The following EFCAB8 variants were observed in gnomAD, a reference collection of about 807,000 sequenced individuals.
The protein encoded by EFCAB8 is EF-hand calcium binding domain 8, also known as EF-hand calcium-binding domain-containing protein 8.
EFCAB8 carries 100 observed loss-of-function variants against 116.3 expected under a neutral mutation model. The ratio of observed to expected loss-of-function variants is 0.86; its 90% CI spans 0.73 to 1.02. EFCAB8 has a LOEUF of 1.02. EFCAB8 is among the 50% of genes least tolerant of loss of function. The probability of loss-of-function intolerance (pLI) is 0.00; values close to 1 mark genes in which losing one functional copy is unlikely to be tolerated. For synonymous variants in EFCAB8, 558 were observed against 567.9 expected (o/e 0.98, Z 0.25); for missense variants, 1,320 against 1,416.9 (o/e 0.93, Z 1.10).
At chr20:32,948,240 TAAACTCCTTGAAAG>T (rs1304031184) in intron 23 of EFCAB8, among the ~76,000 whole-genome samples, 1 of 152,022 alleles carries the variant, frequency 6.6e-6, no homozygotes, top group East Asian at 1.9e-4. Flanking sequence ...TTATATGAAA[TAAACTCCTTGAAAG>T]AAACAAACTA....
At chr20:32,901,182 G>C (rs73904075) in intron 11 of EFCAB8, among the ~76,000 whole-genome samples, 3,486 of 152,322 alleles carry the variant, frequency 0.023, 107 homozygotes, top group African/African-American at 0.072. Context: ...TGTTTGCTGA[G>C]GCTATCTGTC....
chr20:32,871,207 T>C (rs1222378479), intron 3 of EFCAB8, among the ~76,000 whole-genome samples: 1 of 151,456 alleles, frequency 6.6e-6, no homozygotes, highest in Non-Finnish European at 1.5e-5. Flanking sequence ...CTCCCTTTTT[T>C]TATATGCAGT....
Position 32,867,722 on chromosome 20 carries a change from TGAG to T in EFCAB8, c.189_191del (p.Glu63del), listed in dbSNP as rs1371057728. ...ACCTGGCCAAGATAGAGAAAATGTTTGAGGAGGACATCAACTCGACTGGAGGTA... is the reference window on the plus strand; with the variant it reads ...ACCTGGCCAAGATAGAGAAAATGTTTGAGGACATCAACTCGACTGGAGGTA... On this transcript the variant is annotated inframe_deletion, in exon 3 of 27. Transcript: ENST00000400522. 6.4e-7 allele frequency: 1 copy of T among 1,551,576 alleles called. No individual in the cohort carries two copies. Among genetic ancestry groups the T allele is most frequent in the South Asian group, 1.2e-5 (1 of 84,030 alleles).
At chr20:32,931,103 C>A in intron 21 of EFCAB8, 75 bp from the exon 22 acceptor site, 2 of 1,289,570 alleles carry the variant, frequency 1.6e-6, no homozygotes, top group Non-Finnish European at 2.1e-6. Context: ...GAGGAATGGT[C>A]TGGGAGGAGC....
At chr20:32,958,233 G>A (rs2146306631) in intron 23 of EFCAB8, among the ~76,000 whole-genome samples, 188 bp from the exon 24 acceptor site, 1 of 152,248 alleles carries the variant, frequency 6.6e-6, no homozygotes, top group East Asian at 1.9e-4. Flanking sequence ...CTTCTGTCTG[G>A]CTCATCCACA....
intron 24 of EFCAB8, 130 bp from the exon 25 acceptor site, chr20:32,959,648 T>G: frequency 2.9e-6 from 2 of 681,142 alleles, no homozygotes; most frequent in South Asian, 2.0e-5. Flanking sequence ...CTCTGGGGAG[T>G]CTGGCCTGAG....
In EFCAB8 at chr20:32,911,490, G is replaced by A; in HGVS notation, c.1568G>A (p.Gly523Asp). ...GTGTGCTCCCTACAGGTGGTGAGTG[G>A]CTGCCTGCGCGGCACAGTGAGTGTG... Reference protein sequence around the residue: ...YSKIFKQVVSGCLRGTVSVWE... With the variant: ...YSKIFKQVVSDCLRGTVSVWE... The change falls in exon 16 of 27, where the codon GGC (glycine) becomes GAC (aspartate). Residue 523 changes from glycine (G) to aspartate (D), a missense_variant. Gly to Asp is a moderately conservative substitution (Grantham distance 94). Transcript: ENST00000400522. 2 of 1,488,254 alleles carry A rather than the reference G, an allele frequency of 1.3e-6. No individual in the cohort carries two copies. The highest frequency in any genetic ancestry group is 2.7e-5 in the South Asian group (2 of 73,176). 92.2% of individuals were successfully genotyped at this position (1,488,254 alleles called of 1,614,324 possible). A position where few individuals can be genotyped will look rare whatever the true frequency, so the allele number is the denominator to read the frequency against.
intron 23 of EFCAB8, among the ~76,000 whole-genome samples, chr20:32,957,885 A>G (rs191289928): frequency 6.9e-6 from 1 of 145,506 alleles, no homozygotes; most frequent in Admixed American, 6.9e-5. Flanking sequence ...CTTTCCAGTG[A>G]TTTTTTTTTT....
chr20:32,944,406 A>C (rs1246616773), intron 23 of EFCAB8, among the ~76,000 whole-genome samples: 1 of 152,130 alleles, frequency 6.6e-6, no homozygotes, highest in Admixed American at 6.5e-5. Flanking sequence ...CAGAGGTTGC[A>C]GTGAGCTGAG....
chr20:32,912,723 G>A (rs1386363009), intron 16 of EFCAB8, 71 bp from the exon 17 acceptor site: 1 of 712,176 alleles, frequency 1.4e-6, no homozygotes, highest in Admixed American at 2.1e-5. Context: ...GCACCTTTAG[G>A]AAGACATTTA....
At chr20:32,960,713 T>G (rs1989120154) in intron 26 of EFCAB8, among the ~76,000 whole-genome samples, 1 of 152,200 alleles carries the variant, frequency 6.6e-6, no homozygotes, top group Non-Finnish European at 1.5e-5. Context: ...CTCCTCCCTG[T>G]GGTCCCCTTA....
chr20:32,954,815 T>C (rs1988913704), intron 23 of EFCAB8, among the ~76,000 whole-genome samples: 1 of 152,256 alleles, frequency 6.6e-6, no homozygotes, highest in African/African-American at 2.4e-5. Context: ...TTTTGTCCTT[T>C]ATCCTGTTGA....
chr20:32,875,106 G>C (rs1047528617), intron 3 of EFCAB8, among the ~76,000 whole-genome samples: 1 of 152,182 alleles, frequency 6.6e-6, no homozygotes, highest in Non-Finnish European at 1.5e-5. Flanking sequence ...TTTGTTAATT[G>C]TATGGAAATG....
intron 23 of EFCAB8, among the ~76,000 whole-genome samples, chr20:32,947,436 G>A (rs1229743931): frequency 2.0e-5 from 3 of 152,160 alleles, no homozygotes; most frequent in East Asian, 1.9e-4. Context: ...TAATTAAACC[G>A]ACCATATTCT....
chr20:32,893,033 G>C (rs765270028), intron 8 of EFCAB8, 141 bp from the exon 9 acceptor site: 12 of 963,924 alleles, frequency 1.2e-5, no homozygotes, highest in Non-Finnish European at 1.8e-5. Flanking sequence ...TAGAGATGAG[G>C]TTTCACCACG....
Position 32,961,687 on chromosome 20 carries a change from C to A in EFCAB8, c.*78C>A. The A allele has an allele frequency of 1.1e-6, 1 of 885,402 alleles. No individual in the cohort carries two copies. The highest frequency in any genetic ancestry group is 1.5e-6 in the Non-Finnish European group (1 of 661,536). 54.8% of individuals were successfully genotyped at this position (885,402 alleles called of 1,614,324 possible). A position where few individuals can be genotyped will look rare whatever the true frequency, so the allele number is the denominator to read the frequency against. ...GTCCTGCATGTTCTCGGCTTATTCC[C>A]TACCAGACCCAGAGGATGTGGCTCT... On this transcript the variant is annotated 3_prime_UTR_variant, in exon 27 of 27. Transcript: ENST00000400522.
chr20:32,904,403 C>T (rs1460411481), intron 11 of EFCAB8, among the ~76,000 whole-genome samples: 1 of 148,488 alleles, frequency 6.7e-6, no homozygotes, highest in African/African-American at 2.5e-5. Context: ...TGGGTTCTAG[C>T]AATCCTCCCA....
At chr20:32,912,234 C>G (rs1303274389) in intron 16 of EFCAB8, among the ~76,000 whole-genome samples, 1 of 151,866 alleles carries the variant, frequency 6.6e-6, no homozygotes, top group African/African-American at 2.4e-5. Context: ...GCCAGGAGTT[C>G]GAGACCAGCC....
intron 14 of EFCAB8, 36 bp from the exon 15 acceptor site, chr20:32,909,785 G>A: frequency 8.8e-7 from 1 of 1,136,968 alleles, no homozygotes; most frequent in Non-Finnish European, 1.1e-6. Flanking sequence ...GAGCCCTTCT[G>A]ACAGACAAGC....
Sources: allele counts gnomAD v4.1 joint callset (sites outside exome capture counted in the v4.1 genomes callset), GRCh38; gene constraint gnomAD v4.1.1; transcripts MANE v1.5; gene names NCBI Gene and HGNC (gene_info 2026-07-23, HGNC 2026-07-21).